FBXW7: variants seen among roughly 807,000 people sequenced by gnomAD.
FBXW7 encodes the protein F-box/WD repeat-containing protein 7.
FBXW7 carries 11 observed loss-of-function variants against 86.3 expected under a neutral mutation model. The observed-to-expected ratio is 0.13, with a 90% CI of 0.08 to 0.21. The LOEUF is 0.21. Among genes scored for constraint, FBXW7 ranks in the 10% least tolerant of loss-of-function variants. The pLI, the probability that FBXW7 is intolerant of heterozygous loss-of-function variation, is 1.00. For missense variants in FBXW7, 488 were observed against 847.4 expected (o/e 0.58, Z 5.27); for synonymous variants, 313 against 297.9 (o/e 1.05, Z -0.52).
chr4:152,444,332 A>T (rs1383576966), intron 2 of FBXW7, among the ~76,000 whole-genome samples: 2 of 151,786 alleles, frequency 1.3e-5, no homozygotes, highest in African/African-American at 4.9e-5. Context: ...GATATAAAAA[A>T]CAAACCATTT....
intron 4 of FBXW7, among the ~76,000 whole-genome samples, chr4:152,386,474 A>C (rs1181885669): frequency 1.3e-5 from 2 of 152,146 alleles, no homozygotes; most frequent in Admixed American, 1.3e-4. Context: ...ACTACTATTA[A>C]TGGAATCAAA....
chr4:152,382,380 A>G, intron 4 of FBXW7: 2 of 1,421,594 alleles, frequency 1.4e-6, no homozygotes, highest in Non-Finnish European at 9.2e-7. Context: ...CATGTAATAC[A>G]GGCACATTAC....
chr4:152,528,682 T>C (rs1749747252), intron 2 of FBXW7, among the ~76,000 whole-genome samples: 1 of 152,190 alleles, frequency 6.6e-6, no homozygotes, highest in East Asian at 1.9e-4. Context: ...ATATATCCCA[T>C]AGTGTTCAGA....
At chr4:152,502,402 A>C (rs1388492333) in intron 2 of FBXW7, among the ~76,000 whole-genome samples, 1 of 152,136 alleles carries the variant, frequency 6.6e-6, no homozygotes, top group Non-Finnish European at 1.5e-5. Context: ...AGTCAGTAAA[A>C]ATTAACTAAT....
At chr4:152,350,571 T>C (rs1406682632) in intron 4 of FBXW7, among the ~76,000 whole-genome samples, 1 of 151,732 alleles carries the variant, frequency 6.6e-6, no homozygotes, top group Non-Finnish European at 1.5e-5. Flanking sequence ...GAAATAATTA[T>C]GAAAGTAACA....
At chr4:152,403,715 A>G (rs1448919699) in intron 4 of FBXW7, among the ~76,000 whole-genome samples, 4 of 152,080 alleles carry the variant, frequency 2.6e-5, no homozygotes, top group African/African-American at 9.7e-5. Flanking sequence ...ATCTAATGCC[A>G]CAGCTGATCT....
chr4:152,470,518 G>C (rs1743848714), intron 2 of FBXW7, among the ~76,000 whole-genome samples: 1 of 151,794 alleles, frequency 6.6e-6, no homozygotes, highest in Non-Finnish European at 1.5e-5. Context: ...ATTAACATGA[G>C]GAAGCATTTA....
intron 4 of FBXW7, among the ~76,000 whole-genome samples, chr4:152,379,583 A>G (rs140711780): frequency 2.8e-3 from 425 of 152,216 alleles, no homozygotes; most frequent in Non-Finnish European, 4.9e-3. Context: ...CAGTGGTGCC[A>G]TCACAGCTCA....
chr4:152,472,300 C>A (rs182473879), intron 2 of FBXW7, among the ~76,000 whole-genome samples: 2 of 152,234 alleles, frequency 1.3e-5, no homozygotes, highest in Admixed American at 6.5e-5. Context: ...TGAGCATACA[C>A]TCAATGGAAA....
intron 2 of FBXW7, among the ~76,000 whole-genome samples, chr4:152,434,959 C>A (rs1333656671): frequency 6.6e-5 from 3 of 45,692 alleles, no homozygotes; most frequent in Non-Finnish European, 1.0e-4. Flanking sequence ...TCCCCCCGCT[C>A]CCCCCCCCCC....
chr4:152,516,926 A>T (rs1374987844), intron 2 of FBXW7, among the ~76,000 whole-genome samples: 1 of 152,170 alleles, frequency 6.6e-6, no homozygotes, highest in Non-Finnish European at 1.5e-5. Context: ...CCTGGGTTCA[A>T]GCAATCCTCC....
chr4:152,345,685 G>T (rs1369132889), intron 6 of FBXW7, among the ~76,000 whole-genome samples: 1 of 152,080 alleles, frequency 6.6e-6, no homozygotes, highest in Admixed American at 6.5e-5. Context: ...TCCTAGTTTT[G>T]CAGAAATCAC....
chr4:152,461,751 C>T (rs561391773), intron 2 of FBXW7, among the ~76,000 whole-genome samples: 2 of 152,224 alleles, frequency 1.3e-5, no homozygotes, highest in Admixed American at 6.5e-5. Flanking sequence ...CAGATTTTGT[C>T]GCAATCTTTC....
chr4:152,387,802 A>G (rs1735670226), intron 4 of FBXW7, among the ~76,000 whole-genome samples: 1 of 137,636 alleles, frequency 7.3e-6, no homozygotes, highest in Non-Finnish European at 1.5e-5. Flanking sequence ...TCCGCCTCCC[A>G]GGTTCAAGCA....
intron 7 of FBXW7, chr4:152,337,565 A>G (rs975329012): frequency 1.3e-5 from 5 of 373,548 alleles, no homozygotes; most frequent in African/African-American, 8.3e-5. Context: ...ACTCTCACAT[A>G]TATGACTTAT....
chr4:152,375,266 CTT>C (rs1357881930), intron 4 of FBXW7, among the ~76,000 whole-genome samples: 3 of 151,904 alleles, frequency 2.0e-5, no homozygotes, highest in Non-Finnish European at 4.4e-5. Flanking sequence ...GAGGTTGTCA[CTT>C]ATACTGTAAA....
chr4:152,417,427 C>A (rs1319306274), intron 2 of FBXW7, among the ~76,000 whole-genome samples: 2 of 151,968 alleles, frequency 1.3e-5, no homozygotes, highest in Admixed American at 6.6e-5. Context: ...TGGAGCCAAG[C>A]AAGTTAGGTA....
chr4:152,388,461 G>C (rs1263694791), intron 4 of FBXW7, among the ~76,000 whole-genome samples: 1 of 151,952 alleles, frequency 6.6e-6, no homozygotes, highest in Non-Finnish European at 1.5e-5. Flanking sequence ...ATTATATAAG[G>C]TATTGTAACT....
intron 2 of FBXW7, among the ~76,000 whole-genome samples, chr4:152,431,915 T>C (rs1023185960): frequency 7.2e-5 from 11 of 152,010 alleles, no homozygotes; most frequent in Admixed American, 2.0e-4. Flanking sequence ...CAGAGTGGAG[T>C]CCACAGCTAA....
Sources: gnomAD v4.1 joint callset for allele counts (sites outside exome capture counted in the v4.1 genomes callset) on GRCh38, gnomAD v4.1.1 for gene constraint, MANE v1.5 for transcripts, NCBI Gene and HGNC (gene_info 2026-07-23, HGNC 2026-07-21) for gene names.